DPP10: variants seen among roughly 807,000 people sequenced by gnomAD.
DPP10 encodes the protein inactive dipeptidyl peptidase 10.
Under a neutral mutation model 120.9 loss-of-function variants are expected in DPP10, and 33 were observed. That is an observed-to-expected ratio of 0.27 (90% CI 0.21 to 0.37). The LOEUF is 0.37. DPP10 is among the 10% of genes least tolerant of loss of function. The pLI, the probability that DPP10 is intolerant of heterozygous loss-of-function variation, is 1.00. For synonymous variants in DPP10, 337 were observed against 326.1 expected (o/e 1.03, Z -0.36); for missense variants, 816 against 942.8 (o/e 0.87, Z 1.76).
intron 1 of DPP10, among the ~76,000 whole-genome samples, chr2:115,258,183 C>G (rs1334652997): frequency 1.3e-5 from 2 of 152,112 alleles, no homozygotes; most frequent in Admixed American, 1.3e-4. Flanking sequence ...TTTTGTTATA[C>G]TTTATATGCC....
At chr2:115,766,256 A>T (rs957746166) in intron 12 of DPP10, among the ~76,000 whole-genome samples, 36 of 148,610 alleles carry the variant, frequency 2.4e-4, no homozygotes, top group African/African-American at 7.2e-4. Flanking sequence ...GAATGTATGG[A>T]TACAATGAAC....
At chr2:114,597,608 G>A (rs1454018851) in intron 1 of DPP10, among the ~76,000 whole-genome samples, 5 of 151,882 alleles carry the variant, frequency 3.3e-5, no homozygotes, top group African/African-American at 7.2e-5. Context: ...TTTGTTCAAC[G>A]TTTCAGTCAC....
chr2:115,712,540 T>TATATATATATATA lies in DPP10; in HGVS notation c.577-15276_577-15275insATATATATATATA, dbSNP rs2092353572. On this transcript the variant is annotated intron_variant, in intron 7 of 25. Transcript: ENST00000410059. ...AGAAATAGCTTTGAAGAGTCCTGAATTAAATATATATATATATATATATAT... is the reference window on the plus strand; with the variant it reads ...AGAAATAGCTTTGAAGAGTCCTGAATATATATATATATATAAATATATATATATATATATATAT... Among the ~76,000 whole-genome samples, 3 of 18,060 alleles carry TATATATATATATA rather than the reference T, an allele frequency of 1.7e-4. 1 individual carries two copies. Among genetic ancestry groups the TATATATATATATA allele is most frequent in the Non-Finnish European group, 8.9e-4 (3 of 3,386 alleles). The allele number at this position is 18,060 out of a possible 152,430, so 11.8% of individuals were successfully genotyped here. A position where few individuals can be genotyped will look rare whatever the true frequency, so the allele number is the denominator to read the frequency against.
chr2:115,454,727 A>G (rs1453975372), intron 3 of DPP10, among the ~76,000 whole-genome samples: 3 of 151,716 alleles, frequency 2.0e-5, no homozygotes, highest in Non-Finnish European at 4.4e-5. Flanking sequence ...TAGCCAGTGC[A>G]TTAAAAAGGA....
intron 1 of DPP10, among the ~76,000 whole-genome samples, chr2:114,558,229 G>C (rs576730257): frequency 6.6e-6 from 1 of 152,120 alleles, no homozygotes; most frequent in Non-Finnish European, 1.5e-5. Flanking sequence ...AGAGGTCTTC[G>C]GAAGTCCTCA....
At chr2:115,825,508 T>A (rs1438154275) in intron 21 of DPP10, among the ~76,000 whole-genome samples, 2 of 152,232 alleles carry the variant, frequency 1.3e-5, no homozygotes, top group Non-Finnish European at 2.9e-5. Flanking sequence ...ATTTTTTTGT[T>A]GCAGAGACAT....
chr2:114,473,883 A>T (rs1020810432), intron 1 of DPP10, among the ~76,000 whole-genome samples: 5 of 152,226 alleles, frequency 3.3e-5, no homozygotes, highest in African/African-American at 1.2e-4. Context: ...ATACATACAT[A>T]CACACACTTA....
rs889542938 is a variant in DPP10, at chr2:114,504,382, G to A, written c.60+61544G>A. Among the ~76,000 whole-genome samples, 3 of 151,970 alleles carry A rather than the reference G, an allele frequency of 2.0e-5. No individual in the cohort carries two copies. The East Asian group carries it at 5.8e-4, about 29-fold the overall frequency. ...CACTTTTCTCTTTCTGGATTTGAAG[G>A]TCATCCTCAGTTTTGCTCCACTTGA... On this transcript the variant is annotated intron_variant, in intron 1 of 25. Coordinates refer to ENST00000410059, the MANE Select transcript of DPP10 (RefSeq NM_020868.6).
At chr2:115,549,213 A>G (rs1314965055) in intron 5 of DPP10, among the ~76,000 whole-genome samples, 1 of 152,090 alleles carries the variant, frequency 6.6e-6, no homozygotes, top group Admixed American at 6.6e-5. Context: ...TAATGTACAA[A>G]CTAGTTACCC....
intron 1 of DPP10, among the ~76,000 whole-genome samples, chr2:114,766,449 T>A (rs1680710480): frequency 6.6e-6 from 1 of 152,172 alleles, no homozygotes. Context: ...GGACATTTAT[T>A]CCAGAGAAAT....
At chr2:114,842,281 GC>G (rs1265663095) in intron 1 of DPP10, among the ~76,000 whole-genome samples, 2 of 152,078 alleles carry the variant, frequency 1.3e-5, no homozygotes, top group Admixed American at 6.6e-5. Flanking sequence ...GGCACTAATG[GC>G]TAGGTTAGGT....
At chr2:114,829,291 AAAAT>A (rs1389704723) in intron 1 of DPP10, among the ~76,000 whole-genome samples, 1 of 152,116 alleles carries the variant, frequency 6.6e-6, no homozygotes, top group East Asian at 1.9e-4. Flanking sequence ...CTCCATCTCA[AAAAT>A]AAATAAATAA....
Position 115,844,822 on chromosome 2 carries a change from A to T in DPP10, c.*2477A>T, listed in dbSNP as rs1294644866. 6.6e-6 allele frequency: 1 copy of T among 152,214 alleles called. No individual in the cohort carries two copies. The highest frequency in any genetic ancestry group is 1.5e-5 in the Non-Finnish European group (1 of 68,028). 9.4% of individuals were successfully genotyped at this position (152,214 alleles called of 1,614,324 possible). On this transcript the variant is annotated 3_prime_UTR_variant, in exon 26 of 26. Coordinates refer to ENST00000410059, the MANE Select transcript of DPP10 (RefSeq NM_020868.6). ...TATTAAATCATCCACAGAGATAAAC[A>T]ATCTCTTGAAACTCTTTTGAAAGAG...
intron 1 of DPP10, among the ~76,000 whole-genome samples, chr2:114,503,860 T>C (rs1683408449): frequency 6.6e-6 from 1 of 152,246 alleles, no homozygotes; most frequent in Admixed American, 6.5e-5. Flanking sequence ...TTTTGGTTTT[T>C]ATAATTATTC....
At chr2:114,923,146 T>C (rs1695325220) in intron 1 of DPP10, among the ~76,000 whole-genome samples, 1 of 152,028 alleles carries the variant, frequency 6.6e-6, no homozygotes, top group Non-Finnish European at 1.5e-5. Context: ...ATCAGATATA[T>C]GATTTATAAT....
rs1303480871 is a variant in DPP10, at chr2:115,814,940, T to C, written c.1848T>C (p.His616=). Residue 616 remains histidine, a synonymous_variant, in exon 20 of 26, where the codon CAT becomes CAC. Coordinates refer to ENST00000410059, the MANE Select transcript of DPP10 (RefSeq NM_020868.6). ...GTCTGAAAATTTTGCAGGAGATTCA[T>C]CGAAGATTAGGTTCAGTAGAAGTAA... ...FQGLKILQEI[H]RRLGSVEVKD... 6.2e-7 allele frequency: 1 copy of C among 1,612,580 alleles called. No homozygotes were observed. The highest frequency in any genetic ancestry group is 8.5e-7 in the Non-Finnish European group (1 of 1,178,898).
chr2:115,354,488 G>T (rs1008167353), intron 3 of DPP10, among the ~76,000 whole-genome samples: 7 of 152,044 alleles, frequency 4.6e-5, no homozygotes, highest in Non-Finnish European at 1.0e-4. Context: ...ATAGGATAAT[G>T]TCTCAAAATG....
intron 4 of DPP10, among the ~76,000 whole-genome samples, chr2:115,511,022 A>G (rs1388908668): frequency 6.6e-6 from 1 of 152,250 alleles, no homozygotes; most frequent in South Asian, 2.1e-4. Flanking sequence ...TTAGTAGTCC[A>G]GGCTCTTTAT....
chr2:114,675,618 A>G (rs558713296), intron 1 of DPP10, among the ~76,000 whole-genome samples: 3 of 152,260 alleles, frequency 2.0e-5, no homozygotes, highest in East Asian at 3.9e-4. Flanking sequence ...GCAAAGAACA[A>G]TGGTTCCCAG....
Sources: gnomAD v4.1 joint callset for allele counts (sites outside exome capture counted in the v4.1 genomes callset) on GRCh38, gnomAD v4.1.1 for gene constraint, MANE v1.5 for transcripts, NCBI Gene and HGNC (gene_info 2026-07-23, HGNC 2026-07-21) for gene names.